DENND4B: variants seen among roughly 807,000 people sequenced by gnomAD.
DENND4B encodes DENN domain-containing protein 4B.
In DENND4B, 67 loss-of-function variants were observed where a neutral mutation model predicts 161.0. The observed-to-expected ratio is 0.42, with a 90% CI of 0.34 to 0.51. DENND4B has a LOEUF of 0.51. Ranked by LOEUF, DENND4B falls within the 20% of genes least tolerant of loss-of-function variation. DENND4B has a pLI of 0.08. For missense variants in DENND4B, 1,481 were observed against 1,968.0 expected (o/e 0.75, Z 4.68); for synonymous variants, 753 against 813.8 (o/e 0.93, Z 1.27).
chr1:153,937,271 G>A lies in DENND4B; in HGVS notation c.2232+217C>T, dbSNP rs1679399001. 6.6e-6 allele frequency among the ~76,000 whole-genome samples: 1 copy of A among 152,268 alleles called. No homozygotes were observed. Among genetic ancestry groups the A allele is most frequent in the Non-Finnish European group, 1.5e-5 (1 of 68,044 alleles). On this transcript the variant is annotated intron_variant, in intron 15 of 27. Transcript: ENST00000361217. The surrounding 1 kb of genome is among the most constrained non-coding windows in gnomAD (Gnocchi z 4.7). ...CATGGCCAGCCCCTGGATTCCCAGA[G>A]TGCTCAGAAGACGGAGGTGATGATG...
In DENND4B at chr1:153,934,805, GC is replaced by G; in HGVS notation, c.2727del (p.Gln909HisfsTer40). ...TCTTGATGTGCTGACACCTGCTCCTGCTGCTGCTGCTGCTGCTGCTGCTGTT... is the reference window on the plus strand; with the variant it reads ...TCTTGATGTGCTGACACCTGCTCCTGTGCTGCTGCTGCTGCTGCTGCTGTT... ...QQQQQQQQQQQQEQVSAHQEA... is the reference protein window; with the variant it reads ...QQQQQQQQQQXQEQVSAHQEA... On this transcript the variant is annotated frameshift_variant, in exon 18 of 28. Coordinates refer to ENST00000361217, the MANE Select transcript of DENND4B (RefSeq NM_014856.3). LOFTEE classifies it high-confidence loss of function. The surrounding 1 kb of genome is among the most constrained non-coding windows in gnomAD (Gnocchi z 5.3). The G allele has an allele frequency of 1.5e-6, 1 of 650,014 alleles. No homozygotes were observed. Among genetic ancestry groups the G allele is most frequent in the South Asian group, 3.2e-5 (1 of 31,462 alleles). 40.3% of individuals were successfully genotyped at this position (650,014 alleles called of 1,614,324 possible).
chr1:153,935,099 T>C, intron 17 of DENND4B, 135 bp from the exon 18 acceptor site: 1 of 1,462,994 alleles, frequency 6.8e-7, no homozygotes, highest in Non-Finnish European at 9.0e-7. Flanking sequence ...GGCCAATGGC[T>C]CAGCCAGGAA....
At position 153,934,045 on chromosome 1, in the gene DENND4B, C is replaced by A; in HGVS notation, c.2941+90G>T. On this transcript the variant is annotated intron_variant, in intron 19 of 27. Transcript: ENST00000361217. This position sits in a 1 kb window ranked among gnomAD's most constrained non-coding sequence, Gnocchi z 5.3. Reference sequence around the variant, plus strand: ...ACAGCACCCACCACAGAGGGCCGCCCTCCACTCTGTTTCTGGTCTTCCCCA... The same window carrying A: ...ACAGCACCCACCACAGAGGGCCGCCATCCACTCTGTTTCTGGTCTTCCCCA... The A allele has an allele frequency of 6.8e-7, 1 of 1,468,204 alleles. No individual in the cohort carries two copies. The highest frequency in any genetic ancestry group is 9.0e-7 in the Non-Finnish European group (1 of 1,109,768). The allele number at this position is 1,468,204 out of a possible 1,614,324, so 90.9% of individuals were successfully genotyped here.
At position 153,944,455 on chromosome 1, in the gene DENND4B, C is replaced by A; in HGVS notation, c.-23-58G>T. 6.8e-7 allele frequency: 1 copy of A among 1,462,770 alleles called. No individual in the cohort carries two copies. Among genetic ancestry groups the A allele is most frequent in the South Asian group, 1.4e-5 (1 of 72,924 alleles). The allele number at this position is 1,462,770 out of a possible 1,614,324, so 90.6% of individuals were successfully genotyped here. A position where few individuals can be genotyped will look rare whatever the true frequency, so the allele number is the denominator to read the frequency against. On this transcript the variant is annotated intron_variant, in intron 1 of 27. Coordinates refer to ENST00000361217, the MANE Select transcript of DENND4B (RefSeq NM_014856.3). The surrounding 1 kb of genome is among the most constrained non-coding windows in gnomAD (Gnocchi z 4.8). ...AGGAAGGCTGGGGATGCCATGGCAA[C>A]CAGGGTACCCTCTTGCTCCCCTCCT...
In DENND4B at chr1:153,930,741, G is replaced by A; in HGVS notation, c.4231C>T (p.Leu1411Phe). 1 of 1,611,224 alleles carries A rather than the reference G, an allele frequency of 6.2e-7. No homozygotes were observed. The highest frequency in any genetic ancestry group is 8.5e-7 in the Non-Finnish European group (1 of 1,178,588). The change falls in exon 26 of 28, where the codon CTC (leucine) becomes TTC (phenylalanine). Residue 1411 changes from leucine to phenylalanine, a missense_variant. Transcript: ENST00000361217. This position sits in a 1 kb window ranked among gnomAD's most constrained non-coding sequence, Gnocchi z 4.7. Reference sequence around the variant, plus strand: ...GGGGGCCCTAGAGTTTCCAGCAGGAGCCCCACAGCCTTGTGCACTTCATTG... The same window carrying A: ...GGGGGCCCTAGAGTTTCCAGCAGGAACCCCACAGCCTTGTGCACTTCATTG... ...GLNEVHKAVG[L>F]LLETLGPPPT...
chr1:153,942,402 A>C lies in DENND4B; in HGVS notation c.641-46T>G. 6.3e-7 allele frequency: 1 copy of C among 1,596,880 alleles called. No individual in the cohort carries two copies. The highest frequency in any genetic ancestry group is 8.5e-7 in the Non-Finnish European group (1 of 1,171,658). On this transcript the variant is annotated intron_variant, in intron 4 of 27. Transcript: ENST00000361217. The surrounding 1 kb of genome is among the most constrained non-coding windows in gnomAD (Gnocchi z 6.9). ...GGGGTACCCAAAAGGAGCAGGGTCC[A>C]TCAGACTCCAAGGGAAATGAACCAA...
At chr1:153,939,325 G>T (rs961152981) in intron 12 of DENND4B, among the ~76,000 whole-genome samples, 8 of 152,080 alleles carry the variant, frequency 5.3e-5, no homozygotes, top group Non-Finnish European at 7.4e-5. Flanking sequence ...GCCCGTGGGG[G>T]CTGCTCACTA....
In DENND4B at chr1:153,934,240, G is replaced by A; in HGVS notation, c.2836C>T (p.Arg946Ter). The A allele has an allele frequency of 6.2e-7, 1 of 1,600,974 alleles. No homozygotes were observed. The highest frequency in any genetic ancestry group is 8.5e-7 in the Non-Finnish European group (1 of 1,174,442). ...PLQRQTTWAG[R>*]SLRDPASPPG... ...GGTGAGGCTGGGTCTCTCAGACTTC[G>A]CCCAGCCCAAGTAGTCTGGCGCTGA... Residue 946 changes from arginine to a stop codon, truncating the protein, a stop_gained, in exon 19 of 28, where the codon CGA (arginine) becomes TGA (stop). Coordinates refer to ENST00000361217, the MANE Select transcript of DENND4B (RefSeq NM_014856.3). LOFTEE classifies it high-confidence loss of function. The surrounding 1 kb of genome is among the most constrained non-coding windows in gnomAD (Gnocchi z 5.3).
In DENND4B at chr1:153,936,329, C is replaced by T. The variant is rs1198065809; in HGVS notation, c.2440-141G>A. The T allele has an allele frequency of 1.5e-6, 2 of 1,316,748 alleles. No homozygotes were observed. The highest frequency in any genetic ancestry group is 2.1e-6 in the Non-Finnish European group (2 of 964,780). The allele number at this position is 1,316,748 out of a possible 1,614,324, so 81.6% of individuals were successfully genotyped here. A position where few individuals can be genotyped will look rare whatever the true frequency, so the allele number is the denominator to read the frequency against. ...GGTCCTGGGGCTACCTCAGAGCCAC[C>T]CACCCTTTCTGCTGACCCTGCCACC... is the stretch of plus-strand genomic sequence containing the variant. On this transcript the variant is annotated intron_variant, in intron 16 of 27. Coordinates refer to ENST00000361217, the MANE Select transcript of DENND4B (RefSeq NM_014856.3). This position sits in a 1 kb window ranked among gnomAD's most constrained non-coding sequence, Gnocchi z 4.1.
chr1:153,941,534 C>G (rs925165553), intron 6 of DENND4B, 94 bp from the exon 7 acceptor site: 5 of 1,423,824 alleles, frequency 3.5e-6, no homozygotes, highest in Non-Finnish European at 4.7e-6. Context: ...TCTCAAGAAC[C>G]TTATTCCTTC....
chr1:153,930,871 A>G lies in DENND4B; in HGVS notation c.4115-14T>C. On this transcript the variant is annotated splice_polypyrimidine_tract_variant and intron_variant, in intron 25 of 27. Coordinates refer to ENST00000361217, the MANE Select transcript of DENND4B (RefSeq NM_014856.3). The surrounding 1 kb of genome is among the most constrained non-coding windows in gnomAD (Gnocchi z 4.7). ...GGGGGATCTGGCCTGGATGAAAGGA[A>G]AGAAGGCCACCAGAATCACTGAGCC... 6.3e-7 allele frequency: 1 copy of G among 1,595,600 alleles called. No homozygotes were observed. The highest frequency in any genetic ancestry group is 8.5e-7 in the Non-Finnish European group (1 of 1,171,750).
Position 153,930,328 on chromosome 1 carries a change from C to T in DENND4B, c.4460G>A (p.Arg1487Gln), listed in dbSNP as rs759874404. ...QMPTPKAIDC[R>Q]KCFGAPPEC Reference sequence around the variant, plus strand: ...TTCTGGAGGTGCTCCAAAACATTTTCGGCAGTCAATGGCCTTGGGAGTGGG... The same window carrying T: ...TTCTGGAGGTGCTCCAAAACATTTTTGGCAGTCAATGGCCTTGGGAGTGGG... Residue 1487 changes from arginine to glutamine, a missense_variant, in exon 28 of 28, where the codon CGA (arginine) becomes CAA (glutamine). By Grantham distance (43) the Arg-to-Gln change is conservative. Coordinates refer to ENST00000361217, the MANE Select transcript of DENND4B (RefSeq NM_014856.3). This position sits in a 1 kb window ranked among gnomAD's most constrained non-coding sequence, Gnocchi z 4.7. 1.2e-6 allele frequency: 2 copies of T among 1,613,962 alleles called. No homozygotes were observed. Among genetic ancestry groups the T allele is most frequent in the Non-Finnish European group, 8.5e-7 (1 of 1,179,844 alleles).
intron 17 of DENND4B, among the ~76,000 whole-genome samples, chr1:153,935,571 T>C (rs1472812299): frequency 6.6e-6 from 1 of 152,226 alleles, no homozygotes; most frequent in Non-Finnish European, 1.5e-5. Context: ...GGTCTCGAAC[T>C]CCTGATCTCA....
In DENND4B at chr1:153,931,009, C is replaced by T; in HGVS notation, c.4052G>A (p.Trp1351Ter). ...DPASVQVRLL[W>*]DVLTPDPNSC... ...ATTGGGGTCAGGGGTCAGTACATCC[C>T]ACAGCAGCCGTACCTGAACAGAGGC... Residue 1351 changes from tryptophan (W) to a stop codon, truncating the protein, a stop_gained, in exon 25 of 28, where the codon TGG becomes TAG. Coordinates refer to ENST00000361217, the MANE Select transcript of DENND4B (RefSeq NM_014856.3). LOFTEE classifies it high-confidence loss of function. 1 of 1,613,150 alleles carries T rather than the reference C, an allele frequency of 6.2e-7. No individual in the cohort carries two copies. The highest frequency in any genetic ancestry group is 8.5e-7 in the Non-Finnish European group (1 of 1,179,632).
Position 153,932,594 on chromosome 1 carries a change from C to T in DENND4B, c.3759+48G>A. 6.3e-7 allele frequency: 1 copy of T among 1,589,258 alleles called. No individual in the cohort carries two copies. Among genetic ancestry groups the T allele is most frequent in the Non-Finnish European group, 8.6e-7 (1 of 1,165,192 alleles). On this transcript the variant is annotated intron_variant, in intron 23 of 27. Coordinates refer to ENST00000361217, the MANE Select transcript of DENND4B (RefSeq NM_014856.3). The surrounding 1 kb of genome is among the most constrained non-coding windows in gnomAD (Gnocchi z 5.8). ...TCTCCCTGGCACCCCACAGGCCCCA[C>T]ACAGGGCAACATTCCCGTTCCTCAT...
In DENND4B at chr1:153,936,727, T is replaced by C. The variant is rs746376868; in HGVS notation, c.2254A>G (p.Met752Val). The change falls in exon 16 of 28, where the codon ATG becomes GTG. Residue 752 changes from methionine to valine, a missense_variant. Transcript: ENST00000361217. The surrounding 1 kb of genome is among the most constrained non-coding windows in gnomAD (Gnocchi z 4.1). Reference protein sequence around the residue: ...TKQEMKVAQRMAQKSAAVPEL... With the variant: ...TKQEMKVAQRVAQKSAAVPEL... Reference sequence around the variant, plus strand: ...GGCACAGCTGCTGACTTCTGTGCCATCCGCTGTGCAACTTTCATCTCCTAG... The same window carrying C: ...GGCACAGCTGCTGACTTCTGTGCCACCCGCTGTGCAACTTTCATCTCCTAG... 1.9e-5 allele frequency: 31 copies of C among 1,596,702 alleles called. No individual in the cohort carries two copies. The highest frequency in any genetic ancestry group is 2.6e-5 in the Non-Finnish European group (30 of 1,169,012).
Position 153,941,932 on chromosome 1 carries a change from C to CGGAAGGCAG in DENND4B, c.983_991dup (p.Pro328_Phe330dup), listed in dbSNP as rs1557857031. On this transcript the variant is annotated inframe_insertion, in exon 6 of 28. Coordinates refer to ENST00000361217, the MANE Select transcript of DENND4B (RefSeq NM_014856.3). ...GCGGTAAAGGAAGGTGAGGAAGGCGCGGAAGGCAGGGAAGGCAGGCCAGCG... is the reference window on the plus strand; with the variant it reads ...GCGGTAAAGGAAGGTGAGGAAGGCGCGGAAGGCAGGGAAGGCAGGGAAGGCAGGCCAGCG... 6.2e-7 allele frequency: 1 copy of CGGAAGGCAG among 1,612,444 alleles called. No homozygotes were observed. The highest frequency in any genetic ancestry group is 1.7e-5 in the Admixed American group (1 of 60,022).
chr1:153,942,270 T>C lies in DENND4B; in HGVS notation c.727A>G (p.Thr243Ala). 2 of 1,613,804 alleles carry C rather than the reference T, an allele frequency of 1.2e-6. No homozygotes were observed. The highest frequency in any genetic ancestry group is 1.7e-6 in the Non-Finnish European group (2 of 1,179,842). The change falls in exon 5 of 28, where the codon ACT (threonine) becomes GCT (alanine). Residue 243 changes from threonine to alanine, a missense_variant. By Grantham distance (58) the Thr-to-Ala change is moderately conservative (BLOSUM62 0). Coordinates refer to ENST00000361217, the MANE Select transcript of DENND4B (RefSeq NM_014856.3). This position sits in a 1 kb window ranked among gnomAD's most constrained non-coding sequence, Gnocchi z 6.9. Reference protein sequence around the residue: ...VPVFCLPMGATIECWPAQTKY... With the variant: ...VPVFCLPMGAAIECWPAQTKY... The stretch of plus-strand genomic sequence containing the variant: ...GTCTGGGCAGGCCAGCACTCGATAG[T>C]GGCCCCCATGGGCAGGCAGAAGACG...
In DENND4B at chr1:153,946,178, G is replaced by A. The variant is rs1286387335; in HGVS notation, c.-24+123C>T. ...TCCACTTTCACTTCCCCAGGAGAGA[G>A]GAACCGGAACCAGATGTGCAGTGAG... On this transcript the variant is annotated intron_variant, in intron 1 of 27. Coordinates refer to ENST00000361217, the MANE Select transcript of DENND4B (RefSeq NM_014856.3). The surrounding 1 kb of genome is among the most constrained non-coding windows in gnomAD (Gnocchi z 6.3). 2 of 302,796 alleles carry A rather than the reference G, an allele frequency of 6.6e-6. No homozygotes were observed. The highest frequency in any genetic ancestry group is 2.2e-5 in the African/African-American group (1 of 45,410). The allele number at this position is 302,796 out of a possible 1,614,324, so 18.8% of individuals were successfully genotyped here.
Sources: gnomAD v4.1 joint callset for allele counts (sites outside exome capture counted in the v4.1 genomes callset) on GRCh38, gnomAD v4.1.1 for gene constraint, Gnocchi (gnomAD v3.1) non-coding constraint, MANE v1.5 for transcripts, NCBI Gene and HGNC (gene_info 2026-07-23, HGNC 2026-07-21) for gene names.